SGCZ: variants seen among roughly 807,000 people sequenced by gnomAD.
SGCZ encodes zeta-sarcoglycan.
In SGCZ, 40 loss-of-function variants were observed where a neutral mutation model predicts 41.3. The observed-to-expected ratio is 0.97, with a 90% CI of 0.75 to 1.26. The LOEUF is 1.26. SGCZ is among the 50% of genes most tolerant of loss of function. The probability of loss-of-function intolerance (pLI) is 0.00; values close to 1 mark genes in which losing one functional copy is unlikely to be tolerated. For missense variants in SGCZ, 552 were observed against 369.8 expected, an observed-to-expected ratio of 1.49 and a Z score of -4.04; for synonymous variants, 206 against 137.5, an observed-to-expected ratio of 1.50 and a Z score of -3.49.
At chr8:14,147,495 T>A (rs1803562406) in intron 5 of SGCZ, among the ~76,000 whole-genome samples, 2 of 152,170 alleles carry the variant, frequency 1.3e-5, no homozygotes, top group Admixed American at 1.3e-4. Flanking sequence ...GACAAAGGTA[T>A]CGATTCAGCA....
At chr8:14,553,104 C>T (rs1236004321) in intron 2 of SGCZ, among the ~76,000 whole-genome samples, 1 of 152,010 alleles carries the variant, frequency 6.6e-6, no homozygotes, top group Non-Finnish European at 1.5e-5. Flanking sequence ...TGTGCAGGAG[C>T]ATAAACATTG....
chr8:14,293,218 T>A (rs559690499), intron 3 of SGCZ, among the ~76,000 whole-genome samples: 1 of 151,998 alleles, frequency 6.6e-6, no homozygotes, highest in South Asian at 2.1e-4. Flanking sequence ...GTAACAAAGA[T>A]GACAGAAAAA....
In SGCZ at chr8:14,102,610, C is replaced by T. The variant is rs914888628; in HGVS notation, c.621-111G>A. Reference sequence around the variant, plus strand: ...AAGACAACATTGGTCAAAACAACAACCAGACAGACAGGCATAAAGGAAAAG... The same window carrying T: ...AAGACAACATTGGTCAAAACAACAATCAGACAGACAGGCATAAAGGAAAAG... On this transcript the variant is annotated intron_variant, in intron 6 of 7. Coordinates refer to ENST00000382080, the MANE Select transcript of SGCZ (RefSeq NM_139167.4). 5.9e-6 allele frequency: 6 copies of T among 1,011,314 alleles called. No homozygotes were observed. The East Asian group carries it at 2.0e-4, about 33-fold the overall frequency. 62.6% of individuals were successfully genotyped at this position (1,011,314 alleles called of 1,614,324 possible).
At chr8:14,611,718 T>C (rs1377452332) in intron 1 of SGCZ, among the ~76,000 whole-genome samples, 1 of 152,210 alleles carries the variant, frequency 6.6e-6, no homozygotes, top group Non-Finnish European at 1.5e-5. Context: ...TATTTCCATA[T>C]GTAGTTGAAA....
At chr8:15,226,238 G>A (rs1240442630) in intron 1 of SGCZ, among the ~76,000 whole-genome samples, 1 of 152,028 alleles carries the variant, frequency 6.6e-6, no homozygotes, top group East Asian at 1.9e-4. Flanking sequence ...CTGTCTTTGG[G>A]CCACCTCACA....
chr8:14,945,511 T>C (rs1563381584), intron 1 of SGCZ, among the ~76,000 whole-genome samples: 2 of 152,230 alleles, frequency 1.3e-5, no homozygotes, highest in South Asian at 4.2e-4. Context: ...CTATTTTGGA[T>C]CAAGACTACT....
intron 1 of SGCZ, among the ~76,000 whole-genome samples, chr8:14,909,557 T>C (rs1206718745): frequency 2.0e-5 from 3 of 152,154 alleles, no homozygotes; most frequent in Non-Finnish European, 4.4e-5. Flanking sequence ...TACTATTTTT[T>C]AGTAAATTTT....
At chr8:14,714,244 G>A (rs13262767) in intron 1 of SGCZ, among the ~76,000 whole-genome samples, 45,825 of 151,934 alleles carry the variant, frequency 0.3, 7,408 homozygotes, top group East Asian at 0.42. Flanking sequence ...TAAGATTACA[G>A]GCATGAGCCA....
intron 1 of SGCZ, among the ~76,000 whole-genome samples, chr8:15,100,187 G>T (rs866649319): frequency 6.6e-6 from 1 of 152,120 alleles, no homozygotes; most frequent in African/African-American, 2.4e-5. Context: ...TGACTTGATT[G>T]TCTATGCAGA....
chr8:14,650,388 AG>A (rs1807358520), intron 1 of SGCZ, among the ~76,000 whole-genome samples: 1 of 152,012 alleles, frequency 6.6e-6, no homozygotes, highest in African/African-American at 2.4e-5. Flanking sequence ...TTACATGTGC[AG>A]GTTTGTCATA....
intron 1 of SGCZ, among the ~76,000 whole-genome samples, chr8:14,691,723 T>C (rs1028885672): frequency 1.2e-4 from 18 of 152,046 alleles, no homozygotes; most frequent in African/African-American, 3.9e-4. Context: ...ACATCGTTCT[T>C]CATAATCATG....
Position 14,694,386 on chromosome 8 carries a change from C to T in SGCZ, c.40-139460G>A, listed in dbSNP as rs80218540. Among the ~76,000 whole-genome samples the T allele has an allele frequency of 1.9e-4, 29 of 152,262 alleles. No homozygotes were observed. In the East Asian group the frequency reaches 4.6e-3, roughly 24 times the overall value. Reference sequence around the variant, plus strand: ...ATTTTGCATATTCAGATTCTTGTTGCCATCAATTCTAATTGGAAAATTCAT... The same window carrying T: ...ATTTTGCATATTCAGATTCTTGTTGTCATCAATTCTAATTGGAAAATTCAT... On this transcript the variant is annotated intron_variant, in intron 1 of 7. Coordinates refer to ENST00000382080, the MANE Select transcript of SGCZ (RefSeq NM_139167.4).
chr8:14,085,351 CGA>C lies in SGCZ; in HGVS notation c.*5090_*5091del, dbSNP rs1801494594. Among the ~76,000 whole-genome samples, 1 of 151,532 alleles carries C rather than the reference CGA, an allele frequency of 6.6e-6. No homozygotes were observed. ...CTGATTTAAAGAATTGTATAAATAA[CGA>C]GACACTCAAACTCCAGATTACATAT... On this transcript the variant is annotated 3_prime_UTR_variant, in exon 8 of 8. Coordinates refer to ENST00000382080, the MANE Select transcript of SGCZ (RefSeq NM_139167.4).
chr8:14,459,413 A>C (rs1800838535), intron 2 of SGCZ, among the ~76,000 whole-genome samples: 1 of 151,122 alleles, frequency 6.6e-6, no homozygotes, highest in African/African-American at 2.5e-5. Context: ...ACCTTAAAGT[A>C]TAATAAAAAA....
intron 3 of SGCZ, among the ~76,000 whole-genome samples, chr8:14,315,069 T>C (rs1019970518): frequency 6.6e-6 from 1 of 152,142 alleles, no homozygotes. Context: ...CAATGCAGAA[T>C]CTACTTTTAT....
At chr8:14,424,347 T>C (rs572362109) in intron 2 of SGCZ, among the ~76,000 whole-genome samples, 3 of 152,228 alleles carry the variant, frequency 2.0e-5, no homozygotes, top group African/African-American at 7.2e-5. Context: ...AAAAACACAA[T>C]ATATCCAAAG....
At chr8:14,182,096 C>G (rs1035707021) in intron 4 of SGCZ, among the ~76,000 whole-genome samples, 9 of 152,146 alleles carry the variant, frequency 5.9e-5, no homozygotes, top group African/African-American at 2.2e-4. Flanking sequence ...TACGCATAAG[C>G]CATGGGTACA....
chr8:14,774,863 T>A (rs1585249747), intron 1 of SGCZ, among the ~76,000 whole-genome samples: 1 of 152,180 alleles, frequency 6.6e-6, no homozygotes, highest in East Asian at 1.9e-4. Context: ...ACTAATTTAC[T>A]ACCTATTAAG....
At chr8:14,956,168 T>C (rs1216085052) in intron 1 of SGCZ, among the ~76,000 whole-genome samples, 3 of 151,306 alleles carry the variant, frequency 2.0e-5, no homozygotes. Context: ...GACTCCCGAG[T>C]ATCTGGGACT....
Sources: gnomAD v4.1 joint callset for allele counts (sites outside exome capture counted in the v4.1 genomes callset) on GRCh38, gnomAD v4.1.1 for gene constraint, MANE v1.5 for transcripts, NCBI Gene and HGNC (gene_info 2026-07-23, HGNC 2026-07-21) for gene names.